The following STPG2 variants were observed in gnomAD, a reference collection of about 807,000 sequenced individuals.
STPG2 encodes the protein sperm-tail PG-rich repeat-containing protein 2.
In STPG2, 56 loss-of-function variants were observed where a neutral mutation model predicts 54.2. That is an observed-to-expected ratio of 1.03 (90% CI 0.83 to 1.29). The LOEUF (loss-of-function observed/expected upper bound fraction) is 1.29, where lower values mean the gene tolerates loss of function less well. Ranked by LOEUF, STPG2 falls within the 50% of genes most tolerant of loss-of-function variation. The pLI is 0.00. For synonymous variants in STPG2, 200 were observed against 181.8 expected (o/e 1.10, Z -0.81); for missense variants, 596 against 544.9 (o/e 1.09, Z -0.93).
chr4:97,616,076 ATATATATATATATATATATG>A (rs1733863789), intron 10 of STPG2, among the ~76,000 whole-genome samples: 1 of 80,402 alleles, frequency 1.2e-5, no homozygotes. Context: ...ATATATATAT[ATATATATATATATATATATG>A]TATGTATATT....
chr4:97,623,322 A>G (rs1490414252), intron 10 of STPG2, among the ~76,000 whole-genome samples: 1 of 152,142 alleles, frequency 6.6e-6, no homozygotes, highest in African/African-American at 2.4e-5. Flanking sequence ...ACAACATGAA[A>G]AAAACAACCT....
At chr4:97,533,616 T>C (rs1364482032) in intron 4 of STPG2, among the ~76,000 whole-genome samples, 2 of 152,158 alleles carry the variant, frequency 1.3e-5, no homozygotes, top group East Asian at 1.9e-4. Context: ...ATTTCTGATA[T>C]CATGATTATT....
intron 10 of STPG2, among the ~76,000 whole-genome samples, chr4:97,564,753 A>G (rs1295787213): frequency 6.6e-6 from 1 of 152,160 alleles, no homozygotes; most frequent in Non-Finnish European, 1.5e-5. Context: ...AGAATGTTGA[A>G]TAGTGGCCCT....
intron 4 of STPG2, among the ~76,000 whole-genome samples, chr4:97,520,256 A>G (rs1459825119): frequency 6.6e-6 from 1 of 152,112 alleles, no homozygotes; most frequent in Non-Finnish European, 1.5e-5. Context: ...AAGGGGCAGG[A>G]CAAGGACTTG....
chr4:97,932,206 T>A (rs1400365706), intron 8 of STPG2, among the ~76,000 whole-genome samples: 1 of 152,180 alleles, frequency 6.6e-6, no homozygotes, highest in Non-Finnish European at 1.5e-5. Context: ...GATTCTTTGA[T>A]CTTTTGAATG....
At position 98,129,813 on chromosome 4, in the gene STPG2, C is replaced by T. The variant is rs537714126; in HGVS notation, c.223-1221G>A. ...ATGCTATAGTTGCATGTTCACATGC[C>T]CATGTAGAATTATGTTATAAACGTA... On this transcript the variant is annotated intron_variant, in intron 2 of 10. Transcript: ENST00000295268. Among the ~76,000 whole-genome samples the T allele has an allele frequency of 2.0e-5, 3 of 152,180 alleles. No homozygotes were observed. The East Asian group carries it at 5.8e-4, about 29-fold the overall frequency.
chr4:97,963,184 CAAAA>C (rs1553929363), intron 7 of STPG2, among the ~76,000 whole-genome samples: 1 of 150,396 alleles, frequency 6.6e-6, no homozygotes, highest in African/African-American at 2.5e-5. Flanking sequence ...AACAAACAAA[CAAAA>C]AAACAATAAT....
intron 8 of STPG2, chr4:97,917,390 C>T (rs1731920378): frequency 1.3e-5 from 2 of 152,202 alleles, no homozygotes; most frequent in Admixed American, 1.3e-4. Flanking sequence ...GCCTGCAGAG[C>T]ACTGCCGCCA....
intron 5 of STPG2, among the ~76,000 whole-genome samples, chr4:98,050,860 C>A (rs1255196152): frequency 6.6e-6 from 1 of 151,886 alleles, no homozygotes; most frequent in African/African-American, 2.4e-5. Flanking sequence ...AAAAAATTAG[C>A]CGGGCGTGGT....
intron 10 of STPG2, among the ~76,000 whole-genome samples, chr4:97,601,260 A>T (rs1159538065): frequency 6.6e-6 from 1 of 151,980 alleles, no homozygotes; most frequent in South Asian, 2.1e-4. Flanking sequence ...AGAATTTTTC[A>T]TATTGTCTCT....
intron 8 of STPG2, among the ~76,000 whole-genome samples, chr4:97,889,990 A>G (rs1023193681): frequency 5.3e-5 from 8 of 152,182 alleles, no homozygotes; most frequent in African/African-American, 1.9e-4. Flanking sequence ...TTTGAAATAC[A>G]TTAGAAGATA....
At position 97,919,256 on chromosome 4, in the gene STPG2, T is replaced by G. The variant is rs79356340; in HGVS notation, c.1044+24641A>C. 3.8e-3 allele frequency among the ~76,000 whole-genome samples: 569 copies of G among 150,870 alleles called. 1 individual carries two copies. Among genetic ancestry groups the G allele is most frequent in the African/African-American group, 0.013 (539 of 41,214 alleles). On this transcript the variant is annotated intron_variant, in intron 8 of 10. Coordinates refer to ENST00000295268, the MANE Select transcript of STPG2 (RefSeq NM_174952.3). ...ATACATAATCAAAAAGAAAAGAAGC[T>G]GAAAATTATCAATTTAGGGTTCATT... is the stretch of plus-strand genomic sequence containing the variant.
At chr4:97,608,410 C>T (rs1386459361) in intron 10 of STPG2, among the ~76,000 whole-genome samples, 1 of 151,898 alleles carries the variant, frequency 6.6e-6, no homozygotes, top group Non-Finnish European at 1.5e-5. Context: ...TGAGCTGAGC[C>T]CGTGTGAAGA....
rs111494330 is a variant in STPG2 at position 97,723,984 on chromosome 4, T to G, written c.1205-11170A>C. On this transcript the variant is annotated intron_variant, in intron 9 of 10. Coordinates refer to ENST00000295268, the MANE Select transcript of STPG2 (RefSeq NM_174952.3). ...CAGAGCCAAACCATATCAGTAAGTT[T>G]GTCAGTTTTCCCAGTATGTCAACTA... 5.9e-3 allele frequency among the ~76,000 whole-genome samples: 896 copies of G among 152,308 alleles called. 5 individuals are homozygous for G. The highest frequency in any genetic ancestry group is 0.02 in the Middle Eastern group (6 of 294).
intron 10 of STPG2, among the ~76,000 whole-genome samples, chr4:97,647,777 G>C (rs996151314): frequency 6.6e-6 from 1 of 152,082 alleles, no homozygotes; most frequent in East Asian, 1.9e-4. Context: ...CTTTCCTTTT[G>C]GTATTTAGGT....
At position 97,688,223 on chromosome 4, in the gene STPG2, A is replaced by C. The variant is rs186143375; in HGVS notation, c.1320+24476T>G. Among the ~76,000 whole-genome samples, 88 of 152,314 alleles carry C rather than the reference A, an allele frequency of 5.8e-4. 1 individual carries two copies. In the East Asian group the frequency reaches 0.011, roughly 20 times the overall value. On this transcript the variant is annotated intron_variant, in intron 10 of 10. Transcript: ENST00000295268. ...TAGCTTATACATAGGTGGAATTATAAATATTCATCAAATATCTTAAATATA... is the reference window on the plus strand; with the variant it reads ...TAGCTTATACATAGGTGGAATTATACATATTCATCAAATATCTTAAATATA...
intron 8 of STPG2, 85 bp from the exon 9 acceptor site, chr4:97,841,017 CA>C: frequency 7.6e-7 from 1 of 1,309,186 alleles, no homozygotes; most frequent in Non-Finnish European, 1.0e-6. Context: ...TTACAGTAAG[CA>C]ATGAATAGAA....
intron 9 of STPG2, among the ~76,000 whole-genome samples, chr4:97,804,972 T>C (rs1190853263): frequency 6.6e-6 from 1 of 152,198 alleles, no homozygotes; most frequent in East Asian, 1.9e-4. Context: ...TCTAGGTTTG[T>C]GTAATTACGC....
chr4:98,109,448 T>C, intron 3 of STPG2, 143 bp from the exon 4 acceptor site: 1 of 588,994 alleles, frequency 1.7e-6, no homozygotes, highest in Non-Finnish European at 3.0e-6. Context: ...TAAAGTGCTC[T>C]TGGATAGATC....
Sources: gnomAD v4.1 joint callset for allele counts (sites outside exome capture counted in the v4.1 genomes callset) on GRCh38, gnomAD v4.1.1 for gene constraint, MANE v1.5 for transcripts, NCBI Gene and HGNC (gene_info 2026-07-23, HGNC 2026-07-21) for gene names.